Variants in SH3PXD2A observed in about 807,000 individuals in gnomAD.
SH3PXD2A encodes SH3 and PX domains 2A, also known as SH3 and PX domain-containing protein 2A.
Under a neutral mutation model 115.2 loss-of-function variants are expected in SH3PXD2A, and 32 were observed. That is an observed-to-expected ratio of 0.28 (90% CI 0.21 to 0.37). The LOEUF (loss-of-function observed/expected upper bound fraction) is 0.37, where lower values mean the gene tolerates loss of function less well. SH3PXD2A is among the 10% of genes least tolerant of loss of function. SH3PXD2A has a pLI of 1.00. For missense variants in SH3PXD2A, 1,328 were observed against 1,498.7 expected (o/e 0.89, Z 1.88); for synonymous variants, 610 against 629.1 (o/e 0.97, Z 0.45).
At chr10:103,621,987 T>C (rs2036612056) in intron 10 of SH3PXD2A, among the ~76,000 whole-genome samples, 1 of 152,162 alleles carries the variant, frequency 6.6e-6, no homozygotes, top group Non-Finnish European at 1.5e-5. Context: ...GGAGCGTGAA[T>C]GTGAGCCAGT....
chr10:103,649,120 G>A (rs1052752450), intron 8 of SH3PXD2A, among the ~76,000 whole-genome samples: 7 of 152,176 alleles, frequency 4.6e-5, no homozygotes, highest in Non-Finnish European at 8.8e-5. Context: ...AAACTGGCCC[G>A]TTTTCAGGTC....
chr10:103,747,983 G>A (rs2038527013), intron 3 of SH3PXD2A, among the ~76,000 whole-genome samples: 1 of 151,930 alleles, frequency 6.6e-6, no homozygotes, highest in African/African-American at 2.4e-5. Flanking sequence ...TGGTTCTGTT[G>A]GCAAAACTGA....
chr10:103,669,513 A>G (rs1401344130), intron 6 of SH3PXD2A, among the ~76,000 whole-genome samples: 1 of 152,250 alleles, frequency 6.6e-6, no homozygotes, highest in African/African-American at 2.4e-5. Context: ...AGAATAGAAG[A>G]GAAGAGGGCC....
At chr10:103,812,669 G>C (rs1175074193) in intron 1 of SH3PXD2A, among the ~76,000 whole-genome samples, 1 of 152,170 alleles carries the variant, frequency 6.6e-6, no homozygotes, top group Non-Finnish European at 1.5e-5. Flanking sequence ...AAACACAGCA[G>C]TCAGAGGCCA....
At chr10:103,630,996 T>C (rs1202039737) in intron 8 of SH3PXD2A, among the ~76,000 whole-genome samples, 2 of 152,152 alleles carry the variant, frequency 1.3e-5, no homozygotes, top group Admixed American at 6.6e-5. Flanking sequence ...CCCTTATATA[T>C]ACATTTTTTT....
At chr10:103,739,158 G>A (rs538049110) in intron 3 of SH3PXD2A, among the ~76,000 whole-genome samples, 1 of 152,298 alleles carries the variant, frequency 6.6e-6, no homozygotes, top group African/African-American at 2.4e-5. Context: ...TGGGGAGGTA[G>A]ATGAGAGGGT....
chr10:103,822,222 G>T (rs2039388438), intron 1 of SH3PXD2A, among the ~76,000 whole-genome samples: 1 of 152,206 alleles, frequency 6.6e-6, no homozygotes, highest in South Asian at 2.1e-4. Flanking sequence ...ACTTATTTGT[G>T]TAATTATTTC....
At chr10:103,808,318 C>G (rs1360626734) in intron 1 of SH3PXD2A, among the ~76,000 whole-genome samples, 1 of 151,504 alleles carries the variant, frequency 6.6e-6, no homozygotes, top group Non-Finnish European at 1.5e-5. Context: ...GTGGCGTGAT[C>G]TCAGCTCACT....
At chr10:103,790,151 A>G (rs2039020350) in intron 2 of SH3PXD2A, among the ~76,000 whole-genome samples, 1 of 151,128 alleles carries the variant, frequency 6.6e-6, no homozygotes, top group Non-Finnish European at 1.5e-5. Context: ...AAACAGAAAG[A>G]GGACTTTCTT....
At chr10:103,696,702 C>T (rs2037829188) in intron 5 of SH3PXD2A, among the ~76,000 whole-genome samples, 1 of 152,194 alleles carries the variant, frequency 6.6e-6, no homozygotes, top group African/African-American at 2.4e-5. Flanking sequence ...TAGCATCTCC[C>T]TCTAGCGTTG....
intron 1 of SH3PXD2A, among the ~76,000 whole-genome samples, chr10:103,836,184 T>C (rs2039537796): frequency 6.6e-6 from 1 of 152,178 alleles, no homozygotes; most frequent in Admixed American, 6.5e-5. Context: ...TGTAAGTATA[T>C]GCAAAGATCT....
At chr10:103,769,449 CTTTTT>C (rs33915699) in intron 2 of SH3PXD2A, among the ~76,000 whole-genome samples, 1 of 137,434 alleles carries the variant, frequency 7.3e-6, no homozygotes, top group Non-Finnish European at 1.6e-5. Context: ...TCTTCTTCTT[CTTTTT>C]TTTTTTTTTT....
At chr10:103,612,374 GA>G (rs2036441315) in intron 12 of SH3PXD2A, among the ~76,000 whole-genome samples, 1 of 152,202 alleles carries the variant, frequency 6.6e-6, no homozygotes, top group South Asian at 2.1e-4. Context: ...CTAAGGCCCA[GA>G]AAGACGTTTC....
intron 6 of SH3PXD2A, among the ~76,000 whole-genome samples, chr10:103,680,748 G>A (rs1232669260): frequency 6.6e-6 from 1 of 152,094 alleles, no homozygotes; most frequent in African/African-American, 2.4e-5. Context: ...AGAGAGTCAG[G>A]GAAAAGCATG....
At chr10:103,661,984 C>A (rs1026604452) in intron 7 of SH3PXD2A, 71 of 984,340 alleles carry the variant, frequency 7.2e-5, no homozygotes, top group Non-Finnish European at 8.6e-5. Context: ...GAGCCCAGGC[C>A]GGGTACAGTC....
chr10:103,726,183 T>C (rs12220245), intron 4 of SH3PXD2A, among the ~76,000 whole-genome samples: 45,551 of 151,890 alleles, frequency 0.3, 7,581 homozygotes, highest in African/African-American at 0.44. Context: ...AAACACAGGG[T>C]TTGTGAGAAA....
At chr10:103,754,428 T>A (rs1461633594) in intron 3 of SH3PXD2A, 1 of 152,168 alleles carries the variant, frequency 6.6e-6, no homozygotes, top group African/African-American at 2.4e-5. Flanking sequence ...CTGTTTTCCA[T>A]CCTAACAGTA....
intron 5 of SH3PXD2A, among the ~76,000 whole-genome samples, chr10:103,716,517 C>T (rs1181123901): frequency 1.2e-4 from 18 of 152,202 alleles, no homozygotes; most frequent in Admixed American, 1.1e-3. Flanking sequence ...AGAATTTAAC[C>T]AGGATCATGG....
At position 103,666,115 on chromosome 10, in the gene SH3PXD2A, G is replaced by A. The variant is rs2037380698; in HGVS notation, c.472+2493C>T. On this transcript the variant is annotated intron_variant, in intron 7 of 14. Coordinates refer to ENST00000369774, the MANE Select transcript of SH3PXD2A (RefSeq NM_001394015.1). The surrounding 1 kb of genome is among the most constrained non-coding windows in gnomAD (Gnocchi z 4.5). ...AGTCCCATGCTCCAACGCCTTCCAC[G>A]GCTCCCTCTTGCCTATAAAGGACAA... Among the ~76,000 whole-genome samples, 1 of 152,092 alleles carries A rather than the reference G, an allele frequency of 6.6e-6. No individual in the cohort carries two copies. Among genetic ancestry groups the A allele is most frequent in the African/African-American group, 2.4e-5 (1 of 41,404 alleles).
Sources: gnomAD v4.1 joint callset for allele counts (sites outside exome capture counted in the v4.1 genomes callset) on GRCh38, gnomAD v4.1.1 for gene constraint, Gnocchi (gnomAD v3.1) non-coding constraint, MANE v1.5 for transcripts, NCBI Gene and HGNC (gene_info 2026-07-23, HGNC 2026-07-21) for gene names.